Variants in MAP7 observed in about 807,000 individuals in gnomAD.
The protein encoded by MAP7 is microtubule associated protein 7, also known as ensconsin.
A neutral mutation model predicts 94.8 loss-of-function variants in MAP7; 52 were observed. The ratio of observed to expected loss-of-function variants is 0.55; its 90% confidence interval spans 0.44 to 0.69. The LOEUF (loss-of-function observed/expected upper bound fraction) is 0.69. Ranked by LOEUF, MAP7 falls within the 30% of genes least tolerant of loss-of-function variation. The pLI is 0.00. For missense variants in MAP7, 940 were observed against 964.6 expected (o/e 0.97, Z 0.34); for synonymous variants, 350 against 357.0 (o/e 0.98, Z 0.22).
intron 1 of MAP7, among the ~76,000 whole-genome samples, chr6:136,451,335 A>G (rs1801048359): frequency 6.6e-6 from 1 of 152,230 alleles, no homozygotes; most frequent in Non-Finnish European, 1.5e-5. Flanking sequence ...CCTGTGCTCT[A>G]TAAAAGGAAC....
At chr6:136,463,611 C>A (rs1805970856) in intron 1 of MAP7, among the ~76,000 whole-genome samples, 1 of 152,094 alleles carries the variant, frequency 6.6e-6, no homozygotes, top group Non-Finnish European at 1.5e-5. Context: ...AAGGAAAGAA[C>A]TTGCATTGTT....
In MAP7 at chr6:136,454,789, C is replaced by CT. The variant is rs1802366649; in HGVS notation, c.68-32991dup. On this transcript the variant is annotated intron_variant, in intron 1 of 17. Transcript: ENST00000354570. Reference sequence around the variant, plus strand: ...TGACCCTCACCTGTACTCACAGCTACTTGGGAGGCTGATATGGGAGGATGG... The same window carrying CT: ...TGACCCTCACCTGTACTCACAGCTACTTTGGGAGGCTGATATGGGAGGATGG... 2.0e-5 allele frequency among the ~76,000 whole-genome samples: 3 copies of CT among 152,132 alleles called. No individual in the cohort carries two copies. In the South Asian group the frequency reaches 6.2e-4, roughly 32 times the overall value.
At chr6:136,372,352 G>A in intron 8 of MAP7, 149 bp downstream of exon 8, 1 of 926,948 alleles carries the variant, frequency 1.1e-6, no homozygotes. Context: ...TGCCCAGCTA[G>A]CCAGATTCAT....
chr6:136,490,447 T>G (rs1420952283), intron 1 of MAP7, among the ~76,000 whole-genome samples: 1 of 152,146 alleles, frequency 6.6e-6, no homozygotes, highest in African/African-American at 2.4e-5. Context: ...CCTCATCACC[T>G]GTTTTTTGAT....
At chr6:136,492,113 G>A (rs1049686425) in intron 1 of MAP7, among the ~76,000 whole-genome samples, 1 of 152,194 alleles carries the variant, frequency 6.6e-6, no homozygotes, top group Non-Finnish European at 1.5e-5. Context: ...GGGGTGGGGG[G>A]AGAGATGATT....
At position 136,365,764 on chromosome 6, in the gene MAP7, C is replaced by T. The variant is rs148466707; in HGVS notation, c.1244G>A (p.Arg415Gln). The T allele has an allele frequency of 9.3e-6, 15 of 1,614,010 alleles. No individual in the cohort carries two copies. Among genetic ancestry groups the T allele is most frequent in the East Asian group, 2.2e-5 (1 of 44,872 alleles). Residue 415 changes from arginine to glutamine, a missense_variant, in exon 10 of 18, where the codon CGG becomes CAG. Physicochemically the swap from Arg to Gln is conservative, Grantham distance 43. Coordinates refer to ENST00000354570, the MANE Select transcript of MAP7 (RefSeq NM_003980.6). ...GCCAACTTCTGGTTCAGCAGGTGTC[C>T]GCTCTTCAACTGTGGCTTCTTCTAC... ...VKVEEATVEE[R>Q]TPAEPEVGPA...
At chr6:136,467,315 A>C (rs1188480676) in intron 1 of MAP7, among the ~76,000 whole-genome samples, 1 of 152,212 alleles carries the variant, frequency 6.6e-6, no homozygotes, top group African/African-American at 2.4e-5. Flanking sequence ...TTCCATACTA[A>C]AAGCATCTGA....
chr6:136,458,442 G>C (rs1804074694), intron 1 of MAP7, among the ~76,000 whole-genome samples: 1 of 151,986 alleles, frequency 6.6e-6, no homozygotes, highest in Admixed American at 6.6e-5. Flanking sequence ...AATTCATATG[G>C]AACCCCAAAG....
chr6:136,389,051 A>G (rs1032865815), intron 4 of MAP7, among the ~76,000 whole-genome samples: 1 of 152,204 alleles, frequency 6.6e-6, no homozygotes, highest in African/African-American at 2.4e-5. Flanking sequence ...CAAATGGTAA[A>G]GACTACAGAA....
intron 1 of MAP7, among the ~76,000 whole-genome samples, chr6:136,467,723 A>G (rs1332848212): frequency 6.6e-6 from 1 of 152,204 alleles, no homozygotes; most frequent in Non-Finnish European, 1.5e-5. Context: ...GGATCAGGTT[A>G]AAACCTTGCC....
At chr6:136,527,511 G>A (rs912418741) in intron 1 of MAP7, among the ~76,000 whole-genome samples, 2 of 152,136 alleles carry the variant, frequency 1.3e-5, no homozygotes, top group South Asian at 4.1e-4. Context: ...AATCTCTTGC[G>A]TGGAACAGTA....
intron 1 of MAP7, among the ~76,000 whole-genome samples, chr6:136,494,874 A>G (rs536843221): frequency 2.1e-4 from 32 of 152,314 alleles, no homozygotes; most frequent in African/African-American, 7.5e-4. Flanking sequence ...TTTGAATCCA[A>G]CAATACAGAG....
Position 136,373,459 on chromosome 6 carries a change from A to C in MAP7, c.752-834T>G, listed in dbSNP as rs3823163. ...GTGAAGAACCTTTACAGTTTTACTC[A>C]AGATGGAATATTTTATGAAAAACTA... On this transcript the variant is annotated intron_variant, in intron 7 of 17. Coordinates refer to ENST00000354570, the MANE Select transcript of MAP7 (RefSeq NM_003980.6). 8.9e-3 allele frequency among the ~76,000 whole-genome samples: 1,362 copies of C among 152,336 alleles called. 60 individuals carry two copies. In the East Asian group the frequency reaches 0.14, roughly 15 times the overall value.
At chr6:136,466,629 G>T in intron 1 of MAP7, 3 of 703,910 alleles carry the variant, frequency 4.3e-6, no homozygotes, top group Non-Finnish European at 6.4e-6. Flanking sequence ...AAAAAAAAAA[G>T]ATTAGAAGAT....
chr6:136,400,369 T>C (rs189322685), intron 3 of MAP7, among the ~76,000 whole-genome samples: 237 of 151,180 alleles, frequency 1.6e-3, no homozygotes, highest in African/African-American at 4.2e-3. Flanking sequence ...TGAGCCAAGA[T>C]TGCGCTACTG....
At chr6:136,442,073 C>T (rs1025641703) in intron 1 of MAP7, among the ~76,000 whole-genome samples, 5 of 151,836 alleles carry the variant, frequency 3.3e-5, no homozygotes, top group Admixed American at 2.0e-4. Flanking sequence ...CAATTTCCTG[C>T]CATGAGTTTT....
intron 2 of MAP7, among the ~76,000 whole-genome samples, chr6:136,418,676 G>A (rs1459956294): frequency 1.3e-5 from 2 of 152,060 alleles, no homozygotes; most frequent in Admixed American, 6.6e-5. Context: ...GGGATTCTCA[G>A]AAATCATTCA....
At chr6:136,411,012 G>A (rs761583589) in intron 3 of MAP7, among the ~76,000 whole-genome samples, 10 of 152,190 alleles carry the variant, frequency 6.6e-5, no homozygotes, top group Non-Finnish European at 1.3e-4. Context: ...TAAAGGAGGG[G>A]TTGGCACCTG....
At chr6:136,426,608 G>C (rs897188680) in intron 1 of MAP7, among the ~76,000 whole-genome samples, 8 of 152,354 alleles carry the variant, frequency 5.3e-5, no homozygotes, top group Admixed American at 5.2e-4. Context: ...AAAGCATCCA[G>C]ATAAGTGAAG....
Sources: allele counts gnomAD v4.1 joint callset (sites outside exome capture counted in the v4.1 genomes callset), GRCh38; gene constraint gnomAD v4.1.1; transcripts MANE v1.5; gene names NCBI Gene and HGNC (gene_info 2026-07-23, HGNC 2026-07-21).